PABPN1: variants seen among roughly 807,000 people sequenced by gnomAD.
PABPN1 encodes polyadenylate-binding protein 2.
PABPN1 carries 5 observed loss-of-function variants against 33.4 expected under a neutral mutation model. The ratio of observed to expected loss-of-function variants is 0.15; its 90% CI spans 0.08 to 0.32. PABPN1 has a LOEUF of 0.32. PABPN1 is among the 10% of genes least tolerant of loss of function. PABPN1 has a pLI of 1.00. For missense variants in PABPN1, 312 were observed against 425.8 expected, an observed-to-expected ratio of 0.73 and a Z score of 2.35; for synonymous variants, 176 against 170.6, an observed-to-expected ratio of 1.03 and a Z score of -0.25.
In PABPN1 at chr14:23,321,751, C is replaced by A; in HGVS notation, c.282C>A (p.Gly94=). The A allele has an allele frequency of 6.5e-7, 1 of 1,539,806 alleles. No homozygotes were observed. The highest frequency in any genetic ancestry group is 8.7e-7 in the Non-Finnish European group (1 of 1,142,932). ...CTGGGCCTGGTTCGGGAGCCCCCGG[C>A]AGCCAAGAGGAGGAGGAGGAGCCGG... The part of the protein sequence containing the change: ...PGPGPGSGAP[G]SQEEEEEPGL... The change falls in exon 1 of 7, where the codon GGC becomes GGA. Residue 94 remains glycine (G), a synonymous_variant. Coordinates refer to ENST00000216727, the MANE Select transcript of PABPN1 (RefSeq NM_004643.4).
chr14:23,322,429 A>T (rs1888381135), intron 2 of PABPN1, 134 bp downstream of exon 2: 2 of 811,490 alleles, frequency 2.5e-6, no homozygotes, highest in African/African-American at 1.7e-5. Flanking sequence ...TGCCGCGGTC[A>T]TAGTCCGTTG....
In PABPN1 at chr14:23,321,694, C is replaced by G. The variant is rs779129251; in HGVS notation, c.225C>G (p.Pro75=). 22 of 1,532,376 alleles carry G rather than the reference C, an allele frequency of 1.4e-5. No homozygotes were observed. The Admixed American group carries it at 3.2e-4, about 22-fold the overall frequency. 94.9% of individuals were successfully genotyped at this position (1,532,376 alleles called of 1,614,324 possible). A position where few individuals can be genotyped will look rare whatever the true frequency, so the allele number is the denominator to read the frequency against. The change falls in exon 1 of 7, where the codon CCC becomes CCG. Residue 75 remains proline, a synonymous_variant. Transcript: ENST00000216727. ...EPEPEPEEEP[P]RPRAPPGAPG... is the part of the protein sequence containing the mutation. ...AGCCCGAGCCCGAAGAGGAGCCGCC[C>G]CGGCCCCGCGCCCCCCCGGGAGCTC...
At chr14:23,322,065 A>T in intron 1 of PABPN1, 116 bp from the exon 2 acceptor site, 1 of 1,106,466 alleles carries the variant, frequency 9.0e-7, no homozygotes, top group South Asian at 1.3e-5. Flanking sequence ...CGACCCTCGC[A>T]TGGGGCGAGG....
chr14:23,322,837 A>G, intron 2 of PABPN1, 162 bp from the exon 3 acceptor site: 1 of 796,124 alleles, frequency 1.3e-6, no homozygotes, highest in South Asian at 1.4e-5. Context: ...CCTGCTATGC[A>G]CTAGGCACTA....
At chr14:23,323,889 G>A (rs917103309) in intron 4 of PABPN1, 76 bp from the exon 5 acceptor site, 6 of 1,481,942 alleles carry the variant, frequency 4.0e-6, no homozygotes, top group Admixed American at 1.7e-5. Context: ...AGCCCAAAAC[G>A]AAGCATGCCT....
Position 23,321,772 on chromosome 14 carries a change from G to T in PABPN1, c.303G>T (p.Glu101Asp), listed in dbSNP as rs762104467. Residue 101 changes from glutamate to aspartate, a missense_variant, in exon 1 of 7, where the codon GAG becomes GAT. Physicochemically the swap from Glu to Asp is conservative, Grantham distance 45. This residue lies in a region of PABPN1 where 167 missense variants were observed against 168.9 expected (regional missense o/e 0.99). Coordinates refer to ENST00000216727, the MANE Select transcript of PABPN1 (RefSeq NM_004643.4). Reference sequence around the variant, plus strand: ...CCGGCAGCCAAGAGGAGGAGGAGGAGCCGGGACTGGTCGAGGGTGACCCGG... The same window carrying T: ...CCGGCAGCCAAGAGGAGGAGGAGGATCCGGGACTGGTCGAGGGTGACCCGG... The part of the protein sequence containing the change: ...GAPGSQEEEE[E>D]PGLVEGDPGD... 3.9e-6 allele frequency: 6 copies of T among 1,533,014 alleles called. No individual in the cohort carries two copies. The highest frequency in any genetic ancestry group is 2.5e-5 in the East Asian group (1 of 40,086). 95.0% of individuals were successfully genotyped at this position (1,533,014 alleles called of 1,614,324 possible). A position where few individuals can be genotyped will look rare whatever the true frequency, so the allele number is the denominator to read the frequency against.
At chr14:23,325,148 C>CT in intron 6 of PABPN1, 99 bp from the exon 7 acceptor site, 1 of 1,535,450 alleles carries the variant, frequency 6.5e-7, no homozygotes, top group Non-Finnish European at 9.0e-7. Flanking sequence ...CTTTTCCCCC[C>CT]TTCCCTTCAC....
chr14:23,322,107 T>C, intron 1 of PABPN1, 74 bp from the exon 2 acceptor site: 1 of 1,477,762 alleles, frequency 6.8e-7, no homozygotes. Context: ...GGCCGCGCTC[T>C]GGCCGAGAGC....
intron 3 of PABPN1, 103 bp downstream of exon 3, chr14:23,323,169 T>C: frequency 1.3e-6 from 2 of 1,529,360 alleles, no homozygotes; most frequent in Admixed American, 1.7e-5. Flanking sequence ...TGGTTTTGGG[T>C]GTGGAGGGAG....
At chr14:23,323,854 CAAAT>C (rs1204029824) in intron 4 of PABPN1, 107 bp from the exon 5 acceptor site, 10 of 1,103,880 alleles carry the variant, frequency 9.1e-6, no homozygotes, top group Non-Finnish European at 1.2e-5. Context: ...AGAATTTTGA[CAAAT>C]AAAAAATATA....
Position 23,325,349 on chromosome 14 carries a change from TAAAAAAAAAAAA to T in PABPN1, c.*66_*77del. The stretch of plus-strand genomic sequence containing the variant: ...AGGAAAGAAGGAAAAAAAAAAGAAT[TAAAAAAAAAAAA>T]AAGAAAAACAGAAGATGACCTTGAT... On this transcript the variant is annotated 3_prime_UTR_variant, in exon 7 of 7. Transcript: ENST00000216727. The T allele has an allele frequency of 9.2e-7, 1 of 1,092,190 alleles. No individual in the cohort carries two copies. The highest frequency in any genetic ancestry group is 1.2e-6 in the Non-Finnish European group (1 of 814,908). 67.7% of individuals were successfully genotyped at this position (1,092,190 alleles called of 1,614,324 possible).
intron 6 of PABPN1, chr14:23,324,514 C>T: frequency 6.4e-6 from 4 of 622,454 alleles, no homozygotes; most frequent in Non-Finnish European, 1.1e-5. Flanking sequence ...GCATCCCTCC[C>T]TTGGTTCAAA....
intron 2 of PABPN1, 149 bp from the exon 3 acceptor site, chr14:23,322,850 C>A: frequency 1.1e-6 from 1 of 914,640 alleles, no homozygotes; most frequent in Non-Finnish European, 1.8e-6. Context: ...AGGCACTATT[C>A]TCGGTTGTGG....
chr14:23,323,870 C>T, intron 4 of PABPN1, 95 bp from the exon 5 acceptor site: 1 of 1,219,584 alleles, frequency 8.2e-7, no homozygotes, highest in South Asian at 1.3e-5. Context: ...AAAAATATAA[C>T]TGCATTGTAG....
intron 5 of PABPN1, 41 bp downstream of exon 5, chr14:23,324,093 C>T (rs755175327): frequency 6.2e-7 from 1 of 1,614,148 alleles, no homozygotes; most frequent in South Asian, 1.1e-5. Flanking sequence ...TGTATAAACT[C>T]TCCAGGTTGC....
intron 6 of PABPN1, chr14:23,324,952 C>A: frequency 2.6e-6 from 1 of 384,626 alleles, no homozygotes; most frequent in South Asian, 4.5e-5. Flanking sequence ...GGTTTAAGAG[C>A]TGTGGAGGAC....
chr14:23,321,639 C>T lies in PABPN1; in HGVS notation c.170C>T (p.Pro57Leu), dbSNP rs1243473731. Residue 57 changes from proline to leucine, a missense_variant, in exon 1 of 7, where the codon CCT becomes CTT. Pro to Leu is a moderately conservative substitution (Grantham distance 98). Transcript: ENST00000216727. ...GNGLESEELE[P>L]EELLLEPEPE... is the part of the protein sequence containing the mutation. The stretch of plus-strand genomic sequence containing the variant: ...GGCCTGGAGTCTGAGGAACTGGAGC[C>T]TGAGGAGCTGCTGCTGGAGCCCGAG... 3.3e-6 allele frequency: 5 copies of T among 1,512,198 alleles called. No homozygotes were observed. Among genetic ancestry groups the T allele is most frequent in the Non-Finnish European group, 4.5e-6 (5 of 1,116,090 alleles). The allele number at this position is 1,512,198 out of a possible 1,614,324, so 93.7% of individuals were successfully genotyped here. A position where few individuals can be genotyped will look rare whatever the true frequency, so the allele number is the denominator to read the frequency against.
In PABPN1 at chr14:23,326,037, A is replaced by AGGGAATGGGAGGAAGT. The variant is rs1775024390; in HGVS notation, c.*757_*772dup. On this transcript the variant is annotated 3_prime_UTR_variant, in exon 7 of 7. Coordinates refer to ENST00000216727, the MANE Select transcript of PABPN1 (RefSeq NM_004643.4). The stretch of plus-strand genomic sequence containing the variant: ...TTTGCCTTTTTTCCCTTTTATTTGG[A>AGGGAATGGGAGGAAGT]GGGAATGGGAGGAAGTGGGAACAGG... The AGGGAATGGGAGGAAGT allele has an allele frequency of 7.8e-6, 1 of 128,234 alleles. No homozygotes were observed. Among genetic ancestry groups the AGGGAATGGGAGGAAGT allele is most frequent in the African/African-American group, 3.0e-5 (1 of 33,568 alleles). The allele number at this position is 128,234 out of a possible 1,614,324, so 7.9% of individuals were successfully genotyped here.
In PABPN1 at chr14:23,325,412, A is replaced by T; in HGVS notation, c.*126A>T. The T allele has an allele frequency of 7.9e-7, 1 of 1,258,630 alleles. No individual in the cohort carries two copies. Among genetic ancestry groups the T allele is most frequent in the Non-Finnish European group, 1.1e-6 (1 of 925,280 alleles). 78.0% of individuals were successfully genotyped at this position (1,258,630 alleles called of 1,614,324 possible). A position where few individuals can be genotyped will look rare whatever the true frequency, so the allele number is the denominator to read the frequency against. On this transcript the variant is annotated 3_prime_UTR_variant, in exon 7 of 7. Transcript: ENST00000216727. ...GGAAAAAAAATATTTTTTAAAAAAA[A>T]GATATACTGTGGAAGGGGGGAGAAT... is the stretch of plus-strand genomic sequence containing the variant.
Sources: gnomAD v4.1 joint callset for allele counts on GRCh38, gnomAD v4.1.1 for gene constraint, gnomAD v4.1.1 regional missense constraint, MANE v1.5 for transcripts, NCBI Gene and HGNC (gene_info 2026-07-23, HGNC 2026-07-21) for gene names.